PCDHA5: variants seen among roughly 807,000 people sequenced by gnomAD.
The protein encoded by PCDHA5 is protocadherin alpha-5.
A neutral mutation model predicts 61.6 loss-of-function variants in PCDHA5; 43 were observed. That is an observed-to-expected ratio of 0.70 (90% CI 0.55 to 0.90). The LOEUF (loss-of-function observed/expected upper bound fraction) is 0.90, where lower values mean the gene tolerates loss of function less well. PCDHA5 is among the 40% of genes least tolerant of loss of function. PCDHA5 has a pLI of 0.00. For missense variants in PCDHA5, 1,298 were observed against 1,222.7 expected (o/e 1.06, Z -0.92); for synonymous variants, 627 against 543.9 (o/e 1.15, Z -2.13).
At position 140,822,328 on chromosome 5, in the gene PCDHA5, G is replaced by A; in HGVS notation, c.553G>A (p.Glu185Lys). Reference sequence around the variant, plus strand: ...TTTTGACTTAGATGTTAAAACAAATGAAGAAGAAACGAACTTTTTAGAGCT... The same window carrying A: ...TTTTGACTTAGATGTTAAAACAAATAAAGAAGAAACGAACTTTTTAGAGCT... The part of the protein sequence containing the change: ...EYFDLDVKTN[E>K]EETNFLELVL... Residue 185 changes from glutamate (E) to lysine (K), a missense_variant, in exon 1 of 4, where the codon GAA (glutamate) becomes AAA (lysine). Physicochemically the swap from Glu to Lys is moderately conservative, Grantham distance 56. Transcript: ENST00000529859. 2.5e-6 allele frequency: 4 copies of A among 1,614,170 alleles called. No homozygotes were observed. The highest frequency in any genetic ancestry group is 3.4e-6 in the Non-Finnish European group (4 of 1,180,024).
rs2150256971 is a variant in PCDHA5, at chr5:140,836,289, G to A, written c.2352+12162G>A. 8.7e-6 allele frequency: 14 copies of A among 1,613,792 alleles called. No homozygotes were observed. The South Asian group carries it at 1.5e-4, about 18-fold the overall frequency. Reference sequence around the variant, plus strand: ...CACTGGTGAGATCAGCACGACACGAGCCCTAGATGAGACGGACGCACCGCG... The same window carrying A: ...CACTGGTGAGATCAGCACGACACGAACCCTAGATGAGACGGACGCACCGCG... On this transcript the variant is annotated intron_variant, in intron 1 of 3. Coordinates refer to ENST00000529859, the MANE Select transcript of PCDHA5 (RefSeq NM_018908.3).
At chr5:140,915,503 G>T (rs1420993234) in intron 1 of PCDHA5, among the ~76,000 whole-genome samples, 1 of 152,062 alleles carries the variant, frequency 6.6e-6, no homozygotes, top group Non-Finnish European at 1.5e-5. Flanking sequence ...TAATACTGTG[G>T]TTTTTGCAGA....
chr5:140,845,330 G>T (rs782598822), intron 1 of PCDHA5, among the ~76,000 whole-genome samples: 1 of 149,276 alleles, frequency 6.7e-6, no homozygotes, highest in African/African-American at 2.5e-5. Context: ...TTTAATTACT[G>T]AATTCTCCTA....
In PCDHA5 at chr5:140,927,503, C is replaced by T. The variant is rs148532418; in HGVS notation, c.2353-51446C>T. On this transcript the variant is annotated intron_variant, in intron 1 of 3. Transcript: ENST00000529859. ...CGCGCCACCCACCTGCTGGTGCTTA[C>T]AGCTCGGGACGGCGGGCTACCTGCC... The T allele has an allele frequency of 1.2e-4, 190 of 1,614,128 alleles. No homozygotes were observed. In the African/African-American group the frequency reaches 2.3e-3, roughly 19 times the overall value.
At chr5:140,946,374 CGGTT>C (rs1308149019) in intron 1 of PCDHA5, among the ~76,000 whole-genome samples, 6 of 151,656 alleles carry the variant, frequency 4.0e-5, no homozygotes, top group Non-Finnish European at 5.9e-5. Flanking sequence ...CTCTTGCACA[CGGTT>C]GGTAGGAATG....
intron 1 of PCDHA5, among the ~76,000 whole-genome samples, chr5:140,952,031 A>G (rs782611414): frequency 1.6e-4 from 24 of 152,232 alleles, no homozygotes; most frequent in Admixed American, 4.6e-4. Context: ...TCCGAAATCC[A>G]GTAGGGCAGT....
chr5:140,873,097 A>G (rs578070341), intron 1 of PCDHA5, among the ~76,000 whole-genome samples: 173 of 152,330 alleles, frequency 1.1e-3, no homozygotes, highest in African/African-American at 4.0e-3. Context: ...GTATAGAGGC[A>G]TAACATACCA....
chr5:140,960,299 A>C (rs246005), intron 1 of PCDHA5, among the ~76,000 whole-genome samples: 85,531 of 151,846 alleles, frequency 0.56, 24,685 homozygotes, highest in African/African-American at 0.69. Flanking sequence ...TTTCTTCATC[A>C]ATACCAACCT....
chr5:140,877,831 C>T (rs1226856696), intron 1 of PCDHA5: 5 of 1,592,698 alleles, frequency 3.1e-6, no homozygotes, highest in Non-Finnish European at 4.3e-6. Context: ...TTTAAATCCT[C>T]CCAGTGAAGT....
intron 1 of PCDHA5, among the ~76,000 whole-genome samples, chr5:140,955,464 T>C (rs563782102): frequency 2.0e-5 from 3 of 152,218 alleles, no homozygotes; most frequent in South Asian, 2.1e-4. Context: ...TTTTTCCTTT[T>C]TGCTTGGCAC....
At chr5:140,877,280 A>G (rs782014601) in intron 1 of PCDHA5, 14 of 1,613,734 alleles carry the variant, frequency 8.7e-6, no homozygotes, top group Non-Finnish European at 1.2e-5. Context: ...GACTCCGGCT[A>G]TAACGCTTGG....
chr5:140,829,964 G>C, intron 1 of PCDHA5: 1 of 1,614,006 alleles, frequency 6.2e-7, no homozygotes. Context: ...GTTTCGCGTG[G>C]GGCTGTACAC....
intron 3 of PCDHA5, among the ~76,000 whole-genome samples, chr5:141,005,530 C>T (rs920110529): frequency 1.3e-5 from 2 of 151,002 alleles, no homozygotes; most frequent in Non-Finnish European, 3.0e-5. Context: ...GGTGAAACCC[C>T]GTCTCTACTA....
chr5:140,924,931 T>C (rs1414085243), intron 1 of PCDHA5, among the ~76,000 whole-genome samples: 1 of 125,890 alleles, frequency 7.9e-6, no homozygotes, highest in Admixed American at 8.0e-5. Context: ...TAAAATAAAA[T>C]AAAATAAAAA....
chr5:140,884,441 G>A, intron 1 of PCDHA5: 2 of 1,613,812 alleles, frequency 1.2e-6, no homozygotes, highest in Non-Finnish European at 1.7e-6. Flanking sequence ...GCGGTGCTCG[G>A]CACCGCCCAC....
chr5:140,866,460 A>G (rs2049371963), intron 1 of PCDHA5: 1 of 152,148 alleles, frequency 6.6e-6, no homozygotes, highest in Non-Finnish European at 1.5e-5. Context: ...TTGGCTGGGA[A>G]GCTCATAACA....
chr5:140,981,042 C>A (rs782145088), intron 2 of PCDHA5, among the ~76,000 whole-genome samples: 22 of 151,970 alleles, frequency 1.4e-4, no homozygotes, highest in Non-Finnish European at 2.9e-4. Flanking sequence ...GGAAAAAAAA[C>A]AGATAATTCT....
At chr5:140,831,834 T>C (rs1272753389) in intron 1 of PCDHA5, among the ~76,000 whole-genome samples, 4 of 152,326 alleles carry the variant, frequency 2.6e-5, no homozygotes, top group East Asian at 3.9e-4. Context: ...CTAGTTTCAA[T>C]GATAGAATTG....
chr5:140,884,484 T>C, intron 1 of PCDHA5: 2 of 1,613,922 alleles, frequency 1.2e-6, no homozygotes, highest in Non-Finnish European at 1.7e-6. Context: ...AAGCCCACTC[T>C]AGTGTGCTCC....
Sources: gnomAD v4.1 joint callset for allele counts (sites outside exome capture counted in the v4.1 genomes callset) on GRCh38, gnomAD v4.1.1 for gene constraint, MANE v1.5 for transcripts, NCBI Gene and HGNC (gene_info 2026-07-23, HGNC 2026-07-21) for gene names.